The following RINT1 variants were observed in gnomAD, a reference collection of about 807,000 sequenced individuals.
The protein encoded by RINT1 is RAD50-interacting protein 1.
Under a neutral mutation model 97.7 loss-of-function variants are expected in RINT1, and 75 were observed. The observed-to-expected ratio is 0.77, with a 90% confidence interval of 0.64 to 0.93. RINT1 has a LOEUF of 0.93. RINT1 is among the 40% of genes least tolerant of loss of function. The pLI is 0.00. For synonymous variants in RINT1, 303 were observed against 326.3 expected (o/e 0.93, Z 0.77); for missense variants, 892 against 925.2 (o/e 0.96, Z 0.47).
At chr7:105,538,194 C>T (rs1430948631) in intron 3 of RINT1, among the ~76,000 whole-genome samples, 1 of 152,024 alleles carries the variant, frequency 6.6e-6, no homozygotes, top group Non-Finnish European at 1.5e-5. Flanking sequence ...GGTTTCACCA[C>T]TTGGGCCAAG....
At chr7:105,558,304 A>AAT (rs926272083) in intron 11 of RINT1, among the ~76,000 whole-genome samples, 15 of 151,468 alleles carry the variant, frequency 9.9e-5, no homozygotes, top group East Asian at 3.9e-4. Flanking sequence ...AAAAAAAAAA[A>AAT]AAAAATAAAG....
chr7:105,536,806 A>G (rs1790255707), intron 3 of RINT1, 57 bp downstream of exon 3: 1 of 1,032,694 alleles, frequency 9.7e-7, no homozygotes. Flanking sequence ...ACAATATAAT[A>G]TAAACATAAT....
At chr7:105,550,888 A>G (rs1728653) in intron 9 of RINT1, among the ~76,000 whole-genome samples, 45,019 of 151,832 alleles carry the variant, frequency 0.3, 7,358 homozygotes, top group African/African-American at 0.44. Context: ...CCGAGTAGTT[A>G]GGATTACAGG....
At chr7:105,559,702 A>G (rs1337617963) in intron 11 of RINT1, among the ~76,000 whole-genome samples, 3 of 152,204 alleles carry the variant, frequency 2.0e-5, no homozygotes, top group African/African-American at 7.2e-5. Flanking sequence ...CCTGGATGAC[A>G]AGAGCAAAAC....
chr7:105,538,387 C>T (rs1790329663), intron 3 of RINT1, among the ~76,000 whole-genome samples: 1 of 152,152 alleles, frequency 6.6e-6, no homozygotes, highest in Non-Finnish European at 1.5e-5. Context: ...TTCTCCTGTC[C>T]CCATTACCTT....
chr7:105,556,373 A>G (rs1202249630), intron 11 of RINT1, among the ~76,000 whole-genome samples: 1 of 151,934 alleles, frequency 6.6e-6, no homozygotes, highest in Non-Finnish European at 1.5e-5. Flanking sequence ...AGCTCACTCA[A>G]CTTCTTACAC....
chr7:105,555,796 CAT>C (rs1468938193), intron 11 of RINT1, among the ~76,000 whole-genome samples: 1 of 151,946 alleles, frequency 6.6e-6, no homozygotes. Context: ...ACCTGGGCAA[CAT>C]AGGGAGACCC....
intron 11 of RINT1, 57 bp downstream of exon 11, chr7:105,555,284 A>C: frequency 7.2e-7 from 1 of 1,393,572 alleles, no homozygotes; most frequent in Non-Finnish European, 9.8e-7. Flanking sequence ...TATTTTATTA[A>C]TACTTTTCAA....
At chr7:105,560,797 G>T (rs559935583) in intron 11 of RINT1, among the ~76,000 whole-genome samples, 2 of 151,710 alleles carry the variant, frequency 1.3e-5, no homozygotes, top group Non-Finnish European at 2.9e-5. Context: ...CTTGGCTCAC[G>T]GCAACTTCTG....
At chr7:105,555,417 T>C (rs1017053642) in intron 11 of RINT1, 190 bp downstream of exon 11, 3 of 446,668 alleles carry the variant, frequency 6.7e-6, no homozygotes, top group African/African-American at 5.9e-5. Context: ...ATAGTCCTGA[T>C]ATTTTAATGT....
At position 105,567,113 on chromosome 7, in the gene RINT1, A is replaced by G. The variant is rs1289536003; in HGVS notation, c.2187-6A>G. 31 of 1,522,670 alleles carry G rather than the reference A, an allele frequency of 2.0e-5. No individual in the cohort carries two copies. Among genetic ancestry groups the G allele is most frequent in the Non-Finnish European group, 2.6e-5 (30 of 1,138,976 alleles). 94.3% of individuals were successfully genotyped at this position (1,522,670 alleles called of 1,614,324 possible). ...CTCATTTCCCTCCTTTGTTTTCCCT[A>G]AACAGTATAAAAGAAGCCTGTATTG... On this transcript the variant is annotated splice_region_variant and splice_polypyrimidine_tract_variant and intron_variant, in intron 14 of 14. Coordinates refer to ENST00000257700, the MANE Select transcript of RINT1 (RefSeq NM_021930.6).
At chr7:105,555,324 A>G in intron 11 of RINT1, 97 bp downstream of exon 11, 2 of 943,056 alleles carry the variant, frequency 2.1e-6, no homozygotes, top group South Asian at 1.8e-5. Flanking sequence ...GCAAAAATAA[A>G]CATGCTAGAC....
chr7:105,532,921 T>TC, intron 2 of RINT1, 52 bp downstream of exon 2: 1 of 1,557,890 alleles, frequency 6.4e-7, no homozygotes, highest in South Asian at 1.1e-5. Flanking sequence ...AACTCAGCCT[T>TC]CCAGGGTCTG....
Position 105,565,332 on chromosome 7 carries a change from G to T in RINT1, c.1942G>T (p.Ala648Ser). The change falls in exon 13 of 15, where the codon GCT becomes TCT. Residue 648 changes from alanine to serine, a missense_variant. Coordinates refer to ENST00000257700, the MANE Select transcript of RINT1 (RefSeq NM_021930.6). ...EQAVMSLSSSACPLLLTLRDH... is the reference protein window; with the variant it reads ...EQAVMSLSSSSCPLLLTLRDH... ...GGCAGTGATGTCCCTGTCCAGTTCG[G>T]CTTGCCCGTTGCTGCTGACGTTACG... is the stretch of plus-strand genomic sequence containing the variant. 1 of 1,614,194 alleles carries T rather than the reference G, an allele frequency of 6.2e-7. No homozygotes were observed. Among genetic ancestry groups the T allele is most frequent in the South Asian group, 1.1e-5 (1 of 91,080 alleles).
At position 105,563,732 on chromosome 7, in the gene RINT1, G is replaced by T. The variant is rs1423003209; in HGVS notation, c.1672-1G>T. The T allele has an allele frequency of 1.9e-6, 3 of 1,608,254 alleles. No homozygotes were observed. The highest frequency in any genetic ancestry group is 1.7e-5 in the Admixed American group (1 of 58,598). On this transcript the variant is annotated splice_acceptor_variant, in intron 11 of 14. Transcript: ENST00000257700. LOFTEE classifies it high-confidence loss of function. ...ATGTGTTAACATGTTTTTGCTTTCA[G>T]TTCTTTCTACAACTTCAACAGGCTG...
intron 7 of RINT1, 100 bp from the exon 8 acceptor site, chr7:105,549,955 T>A: frequency 2.8e-6 from 2 of 707,872 alleles, no homozygotes; most frequent in Non-Finnish European, 4.6e-6. Context: ...TTCAACTAAT[T>A]TTTATAAGTG....
chr7:105,544,033 G>C (rs1790563435), intron 4 of RINT1, among the ~76,000 whole-genome samples: 4 of 151,938 alleles, frequency 2.6e-5, no homozygotes, highest in Admixed American at 2.6e-4. Flanking sequence ...TCGGGAGGCA[G>C]AGGTTGCAGT....
intron 6 of RINT1, 53 bp from the exon 7 acceptor site, chr7:105,548,501 G>A (rs1167098913): frequency 2.6e-6 from 4 of 1,541,842 alleles, no homozygotes; most frequent in Non-Finnish European, 2.7e-6. Flanking sequence ...ATACATATGT[G>A]TGTGTATATT....
At chr7:105,550,858 G>C (rs6953851) in intron 9 of RINT1, among the ~76,000 whole-genome samples, 20,265 of 151,934 alleles carry the variant, frequency 0.13, 1,737 homozygotes, top group South Asian at 0.24. Context: ...GCGTTCAAGC[G>C]ATTCTCCTGT....
Sources: gnomAD v4.1 joint callset for allele counts (sites outside exome capture counted in the v4.1 genomes callset) on GRCh38, gnomAD v4.1.1 for gene constraint, MANE v1.5 for transcripts, NCBI Gene and HGNC (gene_info 2026-07-23, HGNC 2026-07-21) for gene names.